MAPRE2: variants seen among roughly 807,000 people sequenced by gnomAD.
MAPRE2 encodes microtubule associated protein RP/EB family member 2.
Under a neutral mutation model 43.2 loss-of-function variants are expected in MAPRE2, and 13 were observed. The observed-to-expected ratio is 0.30, with a 90% CI of 0.20 to 0.48. The LOEUF (loss-of-function observed/expected upper bound fraction) is 0.48. Ranked by LOEUF, MAPRE2 falls within the 20% of genes least tolerant of loss-of-function variation. The pLI is 0.99. For missense variants in MAPRE2, 161 were observed against 400.2 expected, an observed-to-expected ratio of 0.40 and a Z score of 5.10; for synonymous variants, 135 against 148.8, an observed-to-expected ratio of 0.91 and a Z score of 0.68.
At chr18:34,978,746 C>A (rs1424183645) in intron 1 of MAPRE2, among the ~76,000 whole-genome samples, 3 of 152,058 alleles carry the variant, frequency 2.0e-5, no homozygotes, top group Admixed American at 2.0e-4. Flanking sequence ...GGGAGCTCAC[C>A]GAGTGATTGG....
At chr18:35,111,191 T>C (rs1488870380) in intron 4 of MAPRE2, among the ~76,000 whole-genome samples, 1 of 152,196 alleles carries the variant, frequency 6.6e-6, no homozygotes, top group Non-Finnish European at 1.5e-5. Flanking sequence ...AATTCAAGTT[T>C]ACCCTCTCTT....
At chr18:35,033,290 A>G (rs1417965853) in intron 2 of MAPRE2, among the ~76,000 whole-genome samples, 4 of 152,192 alleles carry the variant, frequency 2.6e-5, no homozygotes, top group Non-Finnish European at 5.9e-5. Flanking sequence ...GATGCAGAAA[A>G]GGCCTTTGAC....
intron 1 of MAPRE2, among the ~76,000 whole-genome samples, chr18:35,062,392 A>G (rs1906577423): frequency 1.3e-5 from 2 of 152,274 alleles, no homozygotes; most frequent in Non-Finnish European, 2.9e-5. Flanking sequence ...TAATATTTGC[A>G]GATACTTAGA....
intron 2 of MAPRE2, among the ~76,000 whole-genome samples, chr18:35,090,741 A>AAAAAG (rs1481768644): frequency 6.7e-6 from 1 of 150,282 alleles, no homozygotes; most frequent in African/African-American, 2.5e-5. Context: ...CAAAAAAAAA[A>AAAAAG]AAAAAGAAAA....
chr18:35,086,490 T>G (rs1907888099), intron 2 of MAPRE2, among the ~76,000 whole-genome samples: 3 of 152,058 alleles, frequency 2.0e-5, no homozygotes, highest in African/African-American at 7.2e-5. Flanking sequence ...GTATAGCTGA[T>G]ACTTCTAACA....
chr18:35,128,426 A>G (rs1363123259), intron 5 of MAPRE2, among the ~76,000 whole-genome samples: 2 of 152,216 alleles, frequency 1.3e-5, no homozygotes. Flanking sequence ...ATGGGTTACC[A>G]CATCTGCACA....
chr18:35,013,842 G>A (rs1423650623), intron 2 of MAPRE2, among the ~76,000 whole-genome samples: 2 of 152,138 alleles, frequency 1.3e-5, no homozygotes, highest in African/African-American at 4.8e-5. Flanking sequence ...CCATGTTGCT[G>A]TGAAAGACCA....
chr18:34,996,483 C>A (rs1603388067), intron 1 of MAPRE2, among the ~76,000 whole-genome samples: 1 of 152,290 alleles, frequency 6.6e-6, no homozygotes. Context: ...TCCTGGGTGG[C>A]TGTTCTGTGT....
intron 1 of MAPRE2, among the ~76,000 whole-genome samples, chr18:35,065,306 A>C (rs1261783552): frequency 6.6e-6 from 1 of 152,104 alleles, no homozygotes; most frequent in East Asian, 1.9e-4. Context: ...TCAAAAAAAA[A>C]AAAACAAAAA....
chr18:35,115,007 T>C (rs1909348098), intron 4 of MAPRE2, among the ~76,000 whole-genome samples: 1 of 152,204 alleles, frequency 6.6e-6, no homozygotes, highest in South Asian at 2.1e-4. Flanking sequence ...TATTTTTCTT[T>C]ATTATTGATA....
intron 6 of MAPRE2, among the ~76,000 whole-genome samples, chr18:35,136,866 C>G (rs1447607531): frequency 6.6e-6 from 1 of 152,202 alleles, no homozygotes; most frequent in Non-Finnish European, 1.5e-5. Flanking sequence ...AGTTTTCTTA[C>G]AATCACTCAC....
chr18:35,050,607 A>G (rs1905889018), intron 1 of MAPRE2, among the ~76,000 whole-genome samples: 1 of 152,096 alleles, frequency 6.6e-6, no homozygotes, highest in South Asian at 2.1e-4. Flanking sequence ...TCCTCTTTGC[A>G]TTTTTGTTTT....
chr18:35,107,828 G>C (rs1234886109), intron 4 of MAPRE2, among the ~76,000 whole-genome samples: 2 of 151,984 alleles, frequency 1.3e-5, no homozygotes, highest in Non-Finnish European at 2.9e-5. Context: ...TTGTTGTCCA[G>C]TTCTAACATT....
intron 2 of MAPRE2, among the ~76,000 whole-genome samples, chr18:35,020,754 G>A (rs570245244): frequency 6.6e-6 from 1 of 152,202 alleles, no homozygotes; most frequent in East Asian, 1.9e-4. Flanking sequence ...TTAAAAAGCT[G>A]TGTCCATAAA....
intron 4 of MAPRE2, among the ~76,000 whole-genome samples, chr18:35,102,423 C>A (rs1410868881): frequency 6.6e-6 from 1 of 152,156 alleles, no homozygotes; most frequent in Non-Finnish European, 1.5e-5. Context: ...ATAATGCTCC[C>A]AGGATAGATT....
At chr18:35,008,389 G>A (rs2097032823) in intron 2 of MAPRE2, among the ~76,000 whole-genome samples, 2 of 152,072 alleles carry the variant, frequency 1.3e-5, no homozygotes, top group South Asian at 4.1e-4. Flanking sequence ...AGAAAACCTA[G>A]AGGAGAAAAT....
chr18:35,006,007 G>C (rs575505833), intron 2 of MAPRE2, among the ~76,000 whole-genome samples: 7 of 152,176 alleles, frequency 4.6e-5, no homozygotes, highest in African/African-American at 1.7e-4. Flanking sequence ...CAGAGATGAC[G>C]AACCTGGAAA....
At chr18:35,081,849 C>A (rs934533908) in intron 2 of MAPRE2, among the ~76,000 whole-genome samples, 1 of 152,030 alleles carries the variant, frequency 6.6e-6, no homozygotes, top group African/African-American at 2.4e-5. Flanking sequence ...TCTCTGTGGG[C>A]TGCCATACAT....
intron 1 of MAPRE2, among the ~76,000 whole-genome samples, chr18:34,997,726 G>A (rs1280880783): frequency 2.0e-5 from 3 of 152,234 alleles, no homozygotes; most frequent in African/African-American, 7.2e-5. Context: ...TGAGGCAGGA[G>A]AATCTCTTGA....
Sources: gnomAD v4.1 joint callset for allele counts (sites outside exome capture counted in the v4.1 genomes callset) on GRCh38, gnomAD v4.1.1 for gene constraint, MANE v1.5 for transcripts, NCBI Gene and HGNC (gene_info 2026-07-23, HGNC 2026-07-21) for gene names.